Variants in MMP24 observed in about 807,000 individuals in gnomAD.
The protein encoded by MMP24 is matrix metalloproteinase-24.
MMP24 carries 25 observed loss-of-function variants against 62.8 expected under a neutral mutation model. The observed-to-expected ratio is 0.40, with a 90% confidence interval of 0.29 to 0.56. The LOEUF (loss-of-function observed/expected upper bound fraction) is 0.56, where lower values mean the gene tolerates loss of function less well. MMP24 is among the 20% of genes least tolerant of loss of function. The pLI is 0.50. For synonymous variants in MMP24, 319 were observed against 350.5 expected (o/e 0.91, Z 1.00); for missense variants, 634 against 853.6 (o/e 0.74, Z 3.21).
chr20:35,229,200 T>A (rs2146196427), intron 1 of MMP24, among the ~76,000 whole-genome samples: 1 of 152,278 alleles, frequency 6.6e-6, no homozygotes. Flanking sequence ...TCACTCTCTC[T>A]CTCCCTTCCT....
chr20:35,251,442 T>A (rs2060546584), intron 2 of MMP24, among the ~76,000 whole-genome samples: 1 of 152,198 alleles, frequency 6.6e-6, no homozygotes, highest in Non-Finnish European at 1.5e-5. Context: ...TTGAATTTTA[T>A]TCTCAGTGTT....
chr20:35,264,987 G>GCCACA, intron 5 of MMP24, among the ~76,000 whole-genome samples: 1 of 152,208 alleles, frequency 6.6e-6, no homozygotes, highest in Non-Finnish European at 1.5e-5. Context: ...CAGAGCCCTG[G>GCCACA]AGGACAGGCA....
rs1205324831 is a variant in MMP24, at chr20:35,274,684, T to C, written c.*75T>C. 23 of 1,310,468 alleles carry C rather than the reference T, an allele frequency of 1.8e-5. No individual in the cohort carries two copies. The highest frequency in any genetic ancestry group is 2.4e-5 in the Non-Finnish European group (23 of 959,144). 81.2% of individuals were successfully genotyped at this position (1,310,468 alleles called of 1,614,324 possible). On this transcript the variant is annotated 3_prime_UTR_variant, in exon 9 of 9. Transcript: ENST00000246186. The surrounding 1 kb of genome is among the most constrained non-coding windows in gnomAD (Gnocchi z 5.1). ...CTCACCAGGGTCTGAGGGGCAGCTC[T>C]GGCCAGTGCTCACCAGGGCCAGCAG...
chr20:35,227,142 A>G (rs2060417568), intron 1 of MMP24, among the ~76,000 whole-genome samples, 158 bp downstream of exon 1: 1 of 142,360 alleles, frequency 7.0e-6, no homozygotes, highest in African/African-American at 2.6e-5. Flanking sequence ...GGCGCGGCCC[A>G]GGGCGGGGGC....
intron 4 of MMP24, chr20:35,256,064 A>C (rs2060573007): frequency 6.6e-6 from 1 of 152,192 alleles, no homozygotes; most frequent in South Asian, 2.1e-4. Context: ...ATAAGAGATG[A>C]TAATTAGTGG....
At chr20:35,228,903 C>T (rs1230777625) in intron 1 of MMP24, among the ~76,000 whole-genome samples, 1 of 152,172 alleles carries the variant, frequency 6.6e-6, no homozygotes, top group Non-Finnish European at 1.5e-5. Context: ...ATACAGGACC[C>T]TACGGTTTTG....
At chr20:35,252,108 A>C in intron 3 of MMP24, 87 bp downstream of exon 3, 1 of 1,100,546 alleles carries the variant, frequency 9.1e-7, no homozygotes, top group Non-Finnish European at 1.4e-6. Context: ...CTCACAATGT[A>C]GGGGGGCCTG....
At chr20:35,239,467 A>G (rs942781472) in intron 1 of MMP24, among the ~76,000 whole-genome samples, 1 of 152,132 alleles carries the variant, frequency 6.6e-6, no homozygotes, top group Admixed American at 6.6e-5. Flanking sequence ...CTCAATAAAT[A>G]TTTATTGAAT....
At chr20:35,272,012 C>A in intron 8 of MMP24, 177 bp downstream of exon 8, 1 of 700,570 alleles carries the variant, frequency 1.4e-6, no homozygotes, top group Non-Finnish European at 2.3e-6. Context: ...TACCAGCTGC[C>A]AAGTCACACT....
intron 5 of MMP24, among the ~76,000 whole-genome samples, chr20:35,264,707 CAAAAAAAAAAAAA>C (rs57309455): frequency 0.13 from 5,671 of 44,238 alleles, 320 homozygotes; most frequent in African/African-American, 0.28. Context: ...GACTCCGTCT[CAAAAAAAAAAAAA>C]AAAAAAAAAA....
chr20:35,237,002 A>C (rs922745768), intron 1 of MMP24, among the ~76,000 whole-genome samples: 3 of 151,330 alleles, frequency 2.0e-5, no homozygotes, highest in African/African-American at 7.3e-5. Flanking sequence ...AAAATCACTA[A>C]GAGCAAGTTG....
chr20:35,260,803 G>C (rs113515921), intron 4 of MMP24, among the ~76,000 whole-genome samples: 11,887 of 152,312 alleles, frequency 0.078, 1,277 homozygotes, highest in African/African-American at 0.24. Flanking sequence ...AGTAGTGTGG[G>C]AGGCATGTAC....
In MMP24 at chr20:35,271,320, G is replaced by A. The variant is rs1191909054; in HGVS notation, c.1334-249G>A. ...AGTGGTAGTGCATATGCAAAGTCAT[G>A]TAAGTGGCTGAGATCACCAGAGAGG... On this transcript the variant is annotated intron_variant, in intron 7 of 8. Transcript: ENST00000246186. This position sits in a 1 kb window ranked among gnomAD's most constrained non-coding sequence, Gnocchi z 4.0. Among the ~76,000 whole-genome samples, 1 of 152,204 alleles carries A rather than the reference G, an allele frequency of 6.6e-6. No homozygotes were observed. Among genetic ancestry groups the A allele is most frequent in the African/African-American group, 2.4e-5 (1 of 41,452 alleles).
rs751741821 is a variant in MMP24, at chr20:35,263,899, C to T, written c.926C>T (p.Thr309Met). 6.2e-6 allele frequency: 10 copies of T among 1,612,894 alleles called. No homozygotes were observed. Among genetic ancestry groups the T allele is most frequent in the South Asian group, 1.1e-5 (1 of 90,840 alleles). ...IMAPFYQYME[T>M]HNFKLPQDDL... ...GCGCCCTTCTACCAGTACATGGAGA[C>T]GCACAACTTCAAGCTGCCCCAGGAC... Residue 309 changes from threonine to methionine, a missense_variant, in exon 5 of 9, where the codon ACG (threonine) becomes ATG (methionine). This residue lies in a region of MMP24 where 399 missense variants were observed against 530.8 expected (regional missense o/e 0.75). Transcript: ENST00000246186.
chr20:35,267,712 T>C (rs2060643378), intron 6 of MMP24, among the ~76,000 whole-genome samples: 3 of 152,164 alleles, frequency 2.0e-5, no homozygotes, highest in Non-Finnish European at 4.4e-5. Flanking sequence ...GGGACCTCAG[T>C]TTCTCCATCC....
Position 35,271,654 on chromosome 20 carries a change from T to C in MMP24, c.1419T>C (p.Arg473=), listed in dbSNP as rs1329653158. Residue 473 remains arginine (R), a synonymous_variant, in exon 8 of 9, where the codon CGT becomes CGC. Coordinates refer to ENST00000246186, the MANE Select transcript of MMP24 (RefSeq NM_006690.4). The surrounding 1 kb of genome is among the most constrained non-coding windows in gnomAD (Gnocchi z 4.0). Reference sequence around the variant, plus strand: ...GGGAGCTGGGCAGCTGTTTGCCCCGTGAAGGCATTGACACAGCTCTGCGCT... The same window carrying C: ...GGGAGCTGGGCAGCTGTTTGCCCCGCGAAGGCATTGACACAGCTCTGCGCT... ...SLGELGSCLP[R]EGIDTALRWE... is the part of the protein sequence containing the mutation. 1.9e-6 allele frequency: 3 copies of C among 1,610,054 alleles called. No homozygotes were observed. Among genetic ancestry groups the C allele is most frequent in the Admixed American group, 1.7e-5 (1 of 59,304 alleles).
intron 2 of MMP24, among the ~76,000 whole-genome samples, chr20:35,250,005 T>G (rs1423803440): frequency 1.3e-5 from 2 of 152,044 alleles, no homozygotes; most frequent in Non-Finnish European, 2.9e-5. Flanking sequence ...CTCACCCAAG[T>G]GTACTGGTGT....
intron 1 of MMP24, among the ~76,000 whole-genome samples, chr20:35,244,285 A>G (rs1213695773): frequency 6.6e-6 from 1 of 152,132 alleles, no homozygotes; most frequent in East Asian, 1.9e-4. Context: ...AAACAGGGTT[A>G]TCTAGATTCG....
chr20:35,258,237 C>T (rs1425606399), intron 4 of MMP24, among the ~76,000 whole-genome samples: 1 of 152,118 alleles, frequency 6.6e-6, no homozygotes, highest in East Asian at 1.9e-4. Flanking sequence ...TTAGTATATA[C>T]CTCTAACAGA....
Sources: allele counts gnomAD v4.1 joint callset (sites outside exome capture counted in the v4.1 genomes callset), GRCh38; gene constraint gnomAD v4.1.1; regional missense constraint gnomAD v4.1.1; non-coding constraint Gnocchi (gnomAD v3.1); transcripts MANE v1.5; gene names NCBI Gene and HGNC (gene_info 2026-07-23, HGNC 2026-07-21).